The following LTBP2 variants were observed in gnomAD, a reference collection of about 807,000 sequenced individuals.
LTBP2 encodes the protein latent-transforming growth factor beta-binding protein 2.
Under a neutral mutation model 210.6 loss-of-function variants are expected in LTBP2, and 103 were observed. The ratio of observed to expected loss-of-function variants is 0.49; its 90% CI spans 0.42 to 0.58. LTBP2 has a LOEUF of 0.58. Among genes scored for constraint, LTBP2 ranks in the 20% least tolerant of loss-of-function variants. The probability of loss-of-function intolerance (pLI) is 0.00; values close to 1 mark genes in which losing one functional copy is unlikely to be tolerated. For synonymous variants in LTBP2, 1,007 were observed against 1,015.0 expected (o/e 0.99, Z 0.15); for missense variants, 2,313 against 2,494.5 (o/e 0.93, Z 1.55).
intron 3 of LTBP2, among the ~76,000 whole-genome samples, chr14:74,569,956 C>A (rs2087953933): frequency 6.6e-6 from 1 of 152,126 alleles, no homozygotes. Flanking sequence ...AGCCAAACTC[C>A]CTCCACAAGC....
At chr14:74,526,836 C>G (rs1057338316) in intron 13 of LTBP2, among the ~76,000 whole-genome samples, 1 of 152,156 alleles carries the variant, frequency 6.6e-6, no homozygotes, top group Non-Finnish European at 1.5e-5. Context: ...CAGGTTTTCC[C>G]AGGGGAATCT....
At chr14:74,602,276 A>G (rs2088458931) in intron 2 of LTBP2, among the ~76,000 whole-genome samples, 1 of 152,250 alleles carries the variant, frequency 6.6e-6, no homozygotes, top group Admixed American at 6.5e-5. Flanking sequence ...GATGATAAGC[A>G]TACACCTACT....
intron 8 of LTBP2, among the ~76,000 whole-genome samples, chr14:74,549,540 C>T (rs756177955): frequency 6.6e-6 from 1 of 152,210 alleles, no homozygotes. Context: ...GAATCAAGAT[C>T]TCTGGACCCC....
intron 3 of LTBP2, among the ~76,000 whole-genome samples, chr14:74,570,222 T>A (rs1453561763): frequency 6.6e-6 from 1 of 152,146 alleles, no homozygotes; most frequent in Non-Finnish European, 1.5e-5. Flanking sequence ...GGCCATGAGA[T>A]GCTCACCTCC....
Position 74,525,153 on chromosome 14 carries a change from G to T in LTBP2, c.2501C>A (p.Thr834Asn). 1 of 1,332,828 alleles carries T rather than the reference G, an allele frequency of 7.5e-7. No individual in the cohort carries two copies. Among genetic ancestry groups the T allele is most frequent in the Non-Finnish European group, 9.7e-7 (1 of 1,032,488 alleles). The allele number at this position is 1,332,828 out of a possible 1,614,324, so 82.6% of individuals were successfully genotyped here. A position where few individuals can be genotyped will look rare whatever the true frequency, so the allele number is the denominator to read the frequency against. Residue 834 changes from threonine to asparagine, a missense_variant, in exon 15 of 36, where the codon ACT becomes AAT. Around this residue, in one of 3 missense-constraint regions of LTBP2, gnomAD observed 1,867 missense variants for 1,976.9 expected, o/e 0.94. Transcript: ENST00000261978. Reference sequence around the variant, plus strand: ...GGTGCTCAGGGTCACCAGCACATCAGTGGAGGGGGTCACTTGTTCTTCCTG... The same window carrying T: ...GGTGCTCAGGGTCACCAGCACATCATTGGAGGGGGTCACTTGTTCTTCCTG... Reference protein sequence around the residue: ...EIQEEQVTPSTDVLVTLSTPG... With the variant: ...EIQEEQVTPSNDVLVTLSTPG...
At chr14:74,537,143 C>T (rs1216884221) in intron 8 of LTBP2, among the ~76,000 whole-genome samples, 4 of 151,122 alleles carry the variant, frequency 2.6e-5, no homozygotes, top group African/African-American at 9.8e-5. Flanking sequence ...TCACAACATT[C>T]CCCCTTACTT....
At chr14:74,602,436 C>T (rs2088461282) in intron 2 of LTBP2, among the ~76,000 whole-genome samples, 1 of 152,168 alleles carries the variant, frequency 6.6e-6, no homozygotes, top group Admixed American at 6.5e-5. Context: ...TTCACAGATG[C>T]AGAAAGTGAG....
intron 26 of LTBP2, 24 bp downstream of exon 26, chr14:74,507,146 CCTCTCTCCT>C (rs1425804019): frequency 8.1e-6 from 13 of 1,613,990 alleles, no homozygotes; most frequent in Non-Finnish European, 1.1e-5. Flanking sequence ...TTTTCTCAGC[CCTCTCTCCT>C]CTCTCTCCTC....
In LTBP2 at chr14:74,499,971, C is replaced by A. The variant is rs2086891991; in HGVS notation, c.*913G>T. ...AATAGACTTTTTACTTTTAGCACAT[C>A]AAACTGGTTTTCACAAAAGGAGATC... On this transcript the variant is annotated 3_prime_UTR_variant, in exon 36 of 36. Coordinates refer to ENST00000261978, the MANE Select transcript of LTBP2 (RefSeq NM_000428.3). 4.3e-6 allele frequency: 1 copy of A among 231,006 alleles called. No individual in the cohort carries two copies. The highest frequency in any genetic ancestry group is 5.7e-5 in the Admixed American group (1 of 17,674). The allele number at this position is 231,006 out of a possible 1,614,324, so 14.3% of individuals were successfully genotyped here. A position where few individuals can be genotyped will look rare whatever the true frequency, so the allele number is the denominator to read the frequency against.
intron 2 of LTBP2, among the ~76,000 whole-genome samples, chr14:74,590,904 C>T (rs1209397349): frequency 6.6e-6 from 1 of 152,090 alleles, no homozygotes; most frequent in African/African-American, 2.4e-5. Flanking sequence ...GTACACTACT[C>T]CGGTGATGGG....
rs1485604769 is a variant in LTBP2 at position 74,612,220 on chromosome 14, G to T, written c.-276C>A. On this transcript the variant is annotated 5_prime_UTR_variant, in exon 1 of 36. Coordinates refer to ENST00000261978, the MANE Select transcript of LTBP2 (RefSeq NM_000428.3). ...GCCTGCAGCCGTCTGAAGGGGACCC[G>T]GACGGTTTTATTTTTGGAAACCTCC... The T allele has an allele frequency of 6.8e-6, 3 of 444,016 alleles. No homozygotes were observed. Among genetic ancestry groups the T allele is most frequent in the Non-Finnish European group, 1.2e-5 (3 of 253,400 alleles). 27.5% of individuals were successfully genotyped at this position (444,016 alleles called of 1,614,324 possible). A position where few individuals can be genotyped will look rare whatever the true frequency, so the allele number is the denominator to read the frequency against.
At chr14:74,603,749 C>A in intron 1 of LTBP2, 44 bp from the exon 2 acceptor site, 1 of 1,547,874 alleles carries the variant, frequency 6.5e-7, no homozygotes, top group Non-Finnish European at 8.9e-7. Context: ...ATGCTCAGAG[C>A]TGGGGACTAT....
chr14:74,602,150 C>T (rs11851790), intron 2 of LTBP2, among the ~76,000 whole-genome samples: 2,324 of 152,288 alleles, frequency 0.015, 58 homozygotes, highest in African/African-American at 0.054. Flanking sequence ...GAGATCGGAG[C>T]CTGGAGTTCT....
intron 3 of LTBP2, 111 bp from the exon 4 acceptor site, chr14:74,555,804 CT>C: frequency 1.3e-6 from 1 of 768,350 alleles, no homozygotes; most frequent in South Asian, 3.0e-5. Context: ...TGCTCTCTGG[CT>C]GCCTTCTCAC....
chr14:74,550,002 C>A (rs200613879), intron 7 of LTBP2, 37 bp from the exon 8 acceptor site: 83 of 1,328,978 alleles, frequency 6.2e-5, no homozygotes, highest in Non-Finnish European at 8.3e-5. Context: ...TGACCACCCC[C>A]CTTCCCTCCC....
chr14:74,556,849 C>T (rs1270231764), intron 3 of LTBP2, among the ~76,000 whole-genome samples: 1 of 151,658 alleles, frequency 6.6e-6, no homozygotes, highest in African/African-American at 2.4e-5. Context: ...TACATCCTTA[C>T]CTATATGACT....
intron 3 of LTBP2, among the ~76,000 whole-genome samples, chr14:74,574,221 T>C (rs577350260): frequency 4.1e-4 from 63 of 152,270 alleles, no homozygotes; most frequent in African/African-American, 1.4e-3. Context: ...TCCTCTAATC[T>C]TACCCTAACC....
chr14:74,563,319 G>A (rs934389139), intron 3 of LTBP2, among the ~76,000 whole-genome samples: 7 of 152,044 alleles, frequency 4.6e-5, no homozygotes, highest in East Asian at 1.9e-4. Flanking sequence ...TAAGACACTC[G>A]TAAATGTCCA....
chr14:74,524,750 T>C (rs970448298), intron 15 of LTBP2, among the ~76,000 whole-genome samples: 2 of 152,200 alleles, frequency 1.3e-5, no homozygotes, highest in African/African-American at 4.8e-5. Flanking sequence ...CCAGGCACTC[T>C]GCTGACTCAG....
Sources: gnomAD v4.1 joint callset for allele counts (sites outside exome capture counted in the v4.1 genomes callset) on GRCh38, gnomAD v4.1.1 for gene constraint, gnomAD v4.1.1 regional missense constraint, MANE v1.5 for transcripts, NCBI Gene and HGNC (gene_info 2026-07-23, HGNC 2026-07-21) for gene names.